ATP8A2: variants seen among roughly 807,000 people sequenced by gnomAD.
ATP8A2 encodes phospholipid-transporting ATPase IB.
A neutral mutation model predicts 165.6 loss-of-function variants in ATP8A2; 100 were observed. The ratio of observed to expected loss-of-function variants is 0.60; its 90% confidence interval spans 0.51 to 0.71. ATP8A2 has a LOEUF of 0.71. Ranked by LOEUF, ATP8A2 falls within the 30% of genes least tolerant of loss-of-function variation. The pLI, the probability that ATP8A2 is intolerant of heterozygous loss-of-function variation, is 0.00. For missense variants in ATP8A2, 1,227 were observed against 1,479.5 expected, an observed-to-expected ratio of 0.83 and a Z score of 2.80; for synonymous variants, 543 against 548.8, an observed-to-expected ratio of 0.99 and a Z score of 0.15.
At chr13:25,984,991 C>T (rs1418211387) in intron 35 of ATP8A2, among the ~76,000 whole-genome samples, 1 of 152,230 alleles carries the variant, frequency 6.6e-6, no homozygotes, top group Non-Finnish European at 1.5e-5. Context: ...GCCTCACACA[C>T]ACCCTTTTGA....
At chr13:25,572,629 CTGGTGAGGCAG>C (rs1435640381) in intron 18 of ATP8A2, among the ~76,000 whole-genome samples, 1 of 152,130 alleles carries the variant, frequency 6.6e-6, no homozygotes, top group African/African-American at 2.4e-5. Context: ...ATGGTTATGA[CTGGTGAGGCAG>C]TGGTGTTTTT....
At chr13:25,645,594 T>C (rs927385155) in intron 24 of ATP8A2, among the ~76,000 whole-genome samples, 3 of 152,188 alleles carry the variant, frequency 2.0e-5, no homozygotes, top group Non-Finnish European at 1.5e-5. Context: ...CTGCATCCCA[T>C]GAGCTTTGGT....
Position 25,468,793 on chromosome 13 carries a change from G to C in ATP8A2, c.77-184G>C, listed in dbSNP as rs1334108034. The C allele has an allele frequency of 1.3e-5, 13 of 979,236 alleles. No individual in the cohort carries two copies. In the African/African-American group the frequency reaches 1.9e-4, roughly 15 times the overall value. The allele number at this position is 979,236 out of a possible 1,614,324, so 60.7% of individuals were successfully genotyped here. On this transcript the variant is annotated intron_variant, in intron 1 of 36. Coordinates refer to ENST00000381655, the MANE Select transcript of ATP8A2 (RefSeq NM_016529.6). ...GTGGGCGGGGCCGGGGGCGGGGCCGGCCTTGGCTGCCGCGGCACAGGCGGC... is the reference window on the plus strand; with the variant it reads ...GTGGGCGGGGCCGGGGGCGGGGCCGCCCTTGGCTGCCGCGGCACAGGCGGC...
intron 28 of ATP8A2, among the ~76,000 whole-genome samples, chr13:25,834,218 C>T (rs1414605705): frequency 6.6e-6 from 1 of 152,166 alleles, no homozygotes; most frequent in Non-Finnish European, 1.5e-5. Context: ...GAAGTAACAT[C>T]TTTAATTTTT....
intron 35 of ATP8A2, among the ~76,000 whole-genome samples, chr13:25,984,471 G>A (rs552788064): frequency 4.6e-5 from 7 of 152,134 alleles, no homozygotes; most frequent in African/African-American, 1.4e-4. Flanking sequence ...AAGTGTGGTG[G>A]TGCACACCTG....
chr13:25,718,829 G>C (rs564311782), intron 25 of ATP8A2, among the ~76,000 whole-genome samples: 2 of 152,306 alleles, frequency 1.3e-5, no homozygotes, highest in African/African-American at 2.4e-5. Context: ...ATGAAACTTA[G>C]AGGCGTTTCT....
chr13:25,843,047 G>A lies in ATP8A2; in HGVS notation c.2956+3423G>A, dbSNP rs1951781194. ...GCTGAGATTGTGGTGTATCTACAAG[G>A]TAAGAGGCTCTCTGAGGGCACAGTG... On this transcript the variant is annotated intron_variant, in intron 30 of 36. Transcript: ENST00000381655. 2.3e-5 allele frequency among the ~76,000 whole-genome samples: 3 copies of A among 129,016 alleles called. 1 individual carries two copies. The highest frequency in any genetic ancestry group is 4.2e-4 in the East Asian group (2 of 4,818). The allele number at this position is 129,016 out of a possible 152,430, so 84.6% of individuals were successfully genotyped here. A position where few individuals can be genotyped will look rare whatever the true frequency, so the allele number is the denominator to read the frequency against.
At chr13:25,445,162 T>G (rs1171468338) in intron 1 of ATP8A2, among the ~76,000 whole-genome samples, 4 of 152,254 alleles carry the variant, frequency 2.6e-5, no homozygotes, top group African/African-American at 7.2e-5. Flanking sequence ...TTGATTTTAA[T>G]GAAGTCAAAT....
chr13:25,451,860 T>TTC (rs2035233264), intron 1 of ATP8A2, among the ~76,000 whole-genome samples: 1 of 150,834 alleles, frequency 6.6e-6, no homozygotes, highest in African/African-American at 2.4e-5. Context: ...TGGTTTTTTT[T>TTC]TTTTCTTTTT....
At chr13:25,684,865 A>G (rs75903188) in intron 24 of ATP8A2, among the ~76,000 whole-genome samples, 2,312 of 152,198 alleles carry the variant, frequency 0.015, 58 homozygotes, top group African/African-American at 0.052. Context: ...GTTCCAGAGG[A>G]TGGAGTGTAA....
intron 24 of ATP8A2, among the ~76,000 whole-genome samples, chr13:25,650,749 T>A (rs943498426): frequency 1.3e-5 from 2 of 152,204 alleles, no homozygotes; most frequent in African/African-American, 2.4e-5. Flanking sequence ...ATTGACATGA[T>A]CTTATGGTTT....
At chr13:26,008,124 C>G (rs1956780330) in intron 35 of ATP8A2, among the ~76,000 whole-genome samples, 1 of 152,084 alleles carries the variant, frequency 6.6e-6, no homozygotes, top group Non-Finnish European at 1.5e-5. Context: ...CAAAAGAAAA[C>G]TCATTCTGAA....
intron 27 of ATP8A2, among the ~76,000 whole-genome samples, chr13:25,810,759 G>T (rs1173566260): frequency 6.6e-6 from 1 of 152,146 alleles, no homozygotes; most frequent in Non-Finnish European, 1.5e-5. Flanking sequence ...TGGAGAAAGA[G>T]AGAGAGGGAG....
At chr13:25,835,756 C>A (rs561374525) in intron 28 of ATP8A2, among the ~76,000 whole-genome samples, 10 of 152,262 alleles carry the variant, frequency 6.6e-5, no homozygotes, top group Admixed American at 6.5e-4. Flanking sequence ...TCTTGCAAGG[C>A]ACCATCTGCC....
chr13:25,465,537 T>C (rs1281294543), intron 1 of ATP8A2, among the ~76,000 whole-genome samples: 1 of 147,884 alleles, frequency 6.8e-6, no homozygotes, highest in African/African-American at 2.5e-5. Context: ...GAAAAGTTAT[T>C]GTTCCTGTTA....
intron 33 of ATP8A2, among the ~76,000 whole-genome samples, chr13:25,921,774 C>T (rs538242097): frequency 3.3e-5 from 5 of 152,086 alleles, no homozygotes; most frequent in South Asian, 2.1e-4. Context: ...GTTGTAGAAC[C>T]GTATAATATT....
At chr13:25,602,314 C>T (rs1276040002) in intron 24 of ATP8A2, among the ~76,000 whole-genome samples, 1 of 151,934 alleles carries the variant, frequency 6.6e-6, no homozygotes, top group South Asian at 2.1e-4. Flanking sequence ...ACAGGGCTGG[C>T]GGGGAGGGGA....
rs568094505 is a variant in ATP8A2, at chr13:25,877,849, A to G, written c.3183+15441A>G. ...AGGAAAGTAGCTGTGTTCATTAAGGACAATACTTAGTGCTTTCAATTGCTG... is the reference window on the plus strand; with the variant it reads ...AGGAAAGTAGCTGTGTTCATTAAGGGCAATACTTAGTGCTTTCAATTGCTG... On this transcript the variant is annotated intron_variant, in intron 33 of 36. Transcript: ENST00000381655. 1.3e-4 allele frequency among the ~76,000 whole-genome samples: 20 copies of G among 152,340 alleles called. No homozygotes were observed. In the South Asian group the frequency reaches 2.9e-3, roughly 22 times the overall value.
chr13:25,769,113 G>T lies in ATP8A2; in HGVS notation c.2452G>T (p.Ala818Ser). The change falls in exon 26 of 37, where the codon GCC becomes TCC. Residue 818 changes from alanine (A) to serine (S), a missense_variant. By Grantham distance (99) the Ala-to-Ser change is moderately conservative. Around this residue, in one of 5 missense-constraint regions of ATP8A2, gnomAD observed 592 missense variants for 785.6 expected, o/e 0.75. Coordinates refer to ENST00000381655, the MANE Select transcript of ATP8A2 (RefSeq NM_016529.6). ...GAAGCGGGTGAAGGCCATCACCCTC[G>T]CCATCGGAGACGGCGCCAACGATGT... Reference protein sequence around the residue: ...VKKRVKAITLAIGDGANDVGM... With the variant: ...VKKRVKAITLSIGDGANDVGM... 1 of 1,614,134 alleles carries T rather than the reference G, an allele frequency of 6.2e-7. No individual in the cohort carries two copies. Among genetic ancestry groups the T allele is most frequent in the South Asian group, 1.1e-5 (1 of 91,082 alleles).
Sources: gnomAD v4.1 joint callset for allele counts (sites outside exome capture counted in the v4.1 genomes callset) on GRCh38, gnomAD v4.1.1 for gene constraint, gnomAD v4.1.1 regional missense constraint, MANE v1.5 for transcripts, NCBI Gene and HGNC (gene_info 2026-07-23, HGNC 2026-07-21) for gene names.